Variants in ASAP2 observed in about 807,000 individuals in gnomAD.
ASAP2 encodes the protein ArfGAP with SH3 domain, ankyrin repeat and PH domain 2.
A neutral mutation model predicts 131.4 loss-of-function variants in ASAP2; 45 were observed. The observed-to-expected ratio is 0.34, with a 90% CI of 0.27 to 0.44. The LOEUF is 0.44. Ranked by LOEUF, ASAP2 falls within the 20% of genes least tolerant of loss-of-function variation. The probability of loss-of-function intolerance (pLI) is 1.00; values close to 1 mark genes in which losing one functional copy is unlikely to be tolerated. For synonymous variants in ASAP2, 510 were observed against 503.0 expected (o/e 1.01, Z -0.19); for missense variants, 1,011 against 1,297.0 (o/e 0.78, Z 3.39).
chr2:9,254,256 C>CAT (rs1265738425), intron 1 of ASAP2, among the ~76,000 whole-genome samples: 1 of 92,186 alleles, frequency 1.1e-5, no homozygotes, highest in Non-Finnish European at 2.0e-5. Flanking sequence ...TATATATATA[C>CAT]ACGTGTGTGT....
In ASAP2 at chr2:9,397,748, ATATTTTTTTT is replaced by A. The variant is rs1188444464; in HGVS notation, c.2685-2273_2685-2264del. Among the ~76,000 whole-genome samples, 192 of 65,688 alleles carry A rather than the reference ATATTTTTTTT, an allele frequency of 2.9e-3. 1 individual carries two copies. Among genetic ancestry groups the A allele is most frequent in the African/African-American group, 0.011 (89 of 8,264 alleles). 43.1% of individuals were successfully genotyped at this position (65,688 alleles called of 152,430 possible). On this transcript the variant is annotated intron_variant, in intron 24 of 27. Coordinates refer to ENST00000281419, the MANE Select transcript of ASAP2 (RefSeq NM_003887.3). The stretch of plus-strand genomic sequence containing the variant: ...AAAGGATATATATATATATATATAT[ATATTTTTTTT>A]TTTTTTTTTTTTTTTTTTGAGACGG...
chr2:9,322,267 C>G (rs773248421), intron 5 of ASAP2, among the ~76,000 whole-genome samples: 14 of 152,208 alleles, frequency 9.2e-5, no homozygotes, highest in Non-Finnish European at 1.8e-4. Flanking sequence ...CTTAAACACT[C>G]TAGTCCTCCT....
rs1049090302 is a variant in ASAP2 at position 9,405,097 on chromosome 2, A to C, written c.*1770A>C. Reference sequence around the variant, plus strand: ...AGGAATAAAGTTGATTCATATCAACATTAGAACTCCAGTCCCAAACTAATC... The same window carrying C: ...AGGAATAAAGTTGATTCATATCAACCTTAGAACTCCAGTCCCAAACTAATC... On this transcript the variant is annotated 3_prime_UTR_variant, in exon 28 of 28. Transcript: ENST00000281419. The C allele has an allele frequency of 1.3e-5, 2 of 152,466 alleles. No individual in the cohort carries two copies. Among genetic ancestry groups the C allele is most frequent in the African/African-American group, 4.8e-5 (2 of 41,442 alleles). 9.4% of individuals were successfully genotyped at this position (152,466 alleles called of 1,614,324 possible). A position where few individuals can be genotyped will look rare whatever the true frequency, so the allele number is the denominator to read the frequency against.
chr2:9,269,898 C>T (rs974641078), intron 1 of ASAP2, among the ~76,000 whole-genome samples: 2 of 152,154 alleles, frequency 1.3e-5, no homozygotes, highest in African/African-American at 4.8e-5. Flanking sequence ...CCCCACTGTC[C>T]CCACACACTG....
intron 9 of ASAP2, among the ~76,000 whole-genome samples, chr2:9,343,794 CA>C (rs566963989): frequency 1.6e-3 from 247 of 152,292 alleles, no homozygotes; most frequent in African/African-American, 5.4e-3. Flanking sequence ...GGATGCCAGA[CA>C]CTGGACTTGG....
chr2:9,294,404 A>C (rs1415335984), intron 2 of ASAP2, among the ~76,000 whole-genome samples: 2 of 152,168 alleles, frequency 1.3e-5, no homozygotes, highest in Admixed American at 6.5e-5. Context: ...TGGTGCTGGA[A>C]CATAAAGTCT....
intron 9 of ASAP2, among the ~76,000 whole-genome samples, chr2:9,343,310 C>T (rs1465171435): frequency 6.6e-6 from 1 of 152,224 alleles, no homozygotes; most frequent in Non-Finnish European, 1.5e-5. Context: ...TCGGCCCTTT[C>T]CTGGTTGACC....
At chr2:9,312,225 A>T (rs1669348192) in intron 3 of ASAP2, among the ~76,000 whole-genome samples, 1 of 152,114 alleles carries the variant, frequency 6.6e-6, no homozygotes, top group Non-Finnish European at 1.5e-5. Context: ...CTACTTTTCA[A>T]TCTCTATTAT....
At chr2:9,378,791 A>G (rs1026511426) in intron 18 of ASAP2, among the ~76,000 whole-genome samples, 153 bp from the exon 19 acceptor site, 11 of 152,220 alleles carry the variant, frequency 7.2e-5, no homozygotes, top group Non-Finnish European at 1.5e-5. Context: ...GGACGGTGCC[A>G]GGTCCCACCA....
chr2:9,216,488 T>C (rs1662049829), intron 1 of ASAP2, among the ~76,000 whole-genome samples: 1 of 142,620 alleles, frequency 7.0e-6, no homozygotes, highest in South Asian at 2.3e-4. Context: ...TGAGACGGTG[T>C]CTCACTCTGT....
chr2:9,304,875 G>T (rs1318203260), intron 3 of ASAP2, among the ~76,000 whole-genome samples: 5 of 149,138 alleles, frequency 3.4e-5, no homozygotes, highest in African/African-American at 9.9e-5. Flanking sequence ...GTGGGGTATA[G>T]ATATTGGTGG....
intron 6 of ASAP2, among the ~76,000 whole-genome samples, chr2:9,324,957 C>G (rs1485792873): frequency 2.0e-5 from 3 of 151,958 alleles, no homozygotes; most frequent in Non-Finnish European, 4.4e-5. Context: ...TGTTATTTTA[C>G]TTTTTTTTAT....
chr2:9,244,167 G>A (rs965124072), intron 1 of ASAP2, among the ~76,000 whole-genome samples: 4 of 152,074 alleles, frequency 2.6e-5, no homozygotes, highest in Admixed American at 6.6e-5. Context: ...TTGGTGGCAC[G>A]CACCTGTGGT....
chr2:9,275,271 T>C (rs147306151), intron 1 of ASAP2, among the ~76,000 whole-genome samples: 358 of 152,222 alleles, frequency 2.4e-3, no homozygotes, highest in Non-Finnish European at 3.9e-3. Flanking sequence ...AGGGTGTCAC[T>C]GTTGGCCAGG....
At chr2:9,244,221 G>A (rs920906421) in intron 1 of ASAP2, among the ~76,000 whole-genome samples, 7 of 152,116 alleles carry the variant, frequency 4.6e-5, no homozygotes, top group Non-Finnish European at 8.8e-5. Flanking sequence ...ACTTGAACCC[G>A]GGAGGTGGAG....
At chr2:9,256,735 C>T (rs1411803927) in intron 1 of ASAP2, among the ~76,000 whole-genome samples, 1 of 152,194 alleles carries the variant, frequency 6.6e-6, no homozygotes. Context: ...TCATTGATTC[C>T]ATTTTGGGGA....
At position 9,405,483 on chromosome 2, in the gene ASAP2, T is replaced by C. The variant is rs1469825570; in HGVS notation, c.*2156T>C. ...TAACATAATATGCAGCTTAGGATGC[T>C]ATTTTGAGATGTATGATATTCAGTT... On this transcript the variant is annotated 3_prime_UTR_variant, in exon 28 of 28. Transcript: ENST00000281419. 6.6e-6 allele frequency: 1 copy of C among 152,644 alleles called. No individual in the cohort carries two copies. The highest frequency in any genetic ancestry group is 6.5e-5 in the Admixed American group (1 of 15,280). 9.5% of individuals were successfully genotyped at this position (152,644 alleles called of 1,614,324 possible). A position where few individuals can be genotyped will look rare whatever the true frequency, so the allele number is the denominator to read the frequency against.
intron 1 of ASAP2, among the ~76,000 whole-genome samples, chr2:9,266,480 G>A (rs553688688): frequency 6.8e-4 from 104 of 152,224 alleles, no homozygotes; most frequent in African/African-American, 2.4e-3. Flanking sequence ...CCTTACTTGT[G>A]TTTTGTCCTC....
At chr2:9,301,950 T>C (rs967035963) in intron 3 of ASAP2, among the ~76,000 whole-genome samples, 1 of 149,322 alleles carries the variant, frequency 6.7e-6, no homozygotes, top group South Asian at 2.2e-4. Context: ...CAGCCTCACA[T>C]GTAGCTGGGA....
Sources: gnomAD v4.1 joint callset for allele counts (sites outside exome capture counted in the v4.1 genomes callset) on GRCh38, gnomAD v4.1.1 for gene constraint, MANE v1.5 for transcripts, NCBI Gene and HGNC (gene_info 2026-07-23, HGNC 2026-07-21) for gene names.